ASTN2: variants seen among roughly 807,000 people sequenced by gnomAD.
ASTN2 encodes astrotactin-2.
A neutral mutation model predicts 139.8 loss-of-function variants in ASTN2; 54 were observed. The observed-to-expected ratio is 0.39, with a 90% CI of 0.31 to 0.48. The LOEUF is 0.48. Among genes scored for constraint, ASTN2 ranks in the 20% least tolerant of loss-of-function variants. The pLI, the probability that ASTN2 is intolerant of heterozygous loss-of-function variation, is 0.95. For missense variants in ASTN2, 1,565 were observed against 1,725.1 expected (o/e 0.91, Z 1.64); for synonymous variants, 756 against 719.5 (o/e 1.05, Z -0.81).
chr9:116,967,237 T>C (rs988495432), intron 10 of ASTN2, among the ~76,000 whole-genome samples: 10 of 152,156 alleles, frequency 6.6e-5, no homozygotes, highest in African/African-American at 2.4e-4. Flanking sequence ...CATTCAAAGA[T>C]AGAGTGTTAG....
At position 116,522,925 on chromosome 9, in the gene ASTN2, A is replaced by G. The variant is rs12343084; in HGVS notation, c.3356-35425T>C. Among the ~76,000 whole-genome samples, 1,283 of 152,314 alleles carry G rather than the reference A, an allele frequency of 8.4e-3. 13 individuals are homozygous for G. The highest frequency in any genetic ancestry group is 0.028 in the African/African-American group (1,169 of 41,568). On this transcript the variant is annotated intron_variant, in intron 19 of 22. Coordinates refer to ENST00000313400, the MANE Select transcript of ASTN2 (RefSeq NM_001365068.1). ...AGCTATTAACTATGAATAAAAAAAT[A>G]AAATTTAGAAATTCTACGGCTATCA...
chr9:116,655,869 G>GC, intron 16 of ASTN2, among the ~76,000 whole-genome samples: 1 of 151,124 alleles, frequency 6.6e-6, no homozygotes, highest in South Asian at 2.1e-4. Context: ...GTTTTCTTGT[G>GC]TTTTTTGTTG....
At chr9:116,735,117 G>A (rs954837866) in intron 13 of ASTN2, among the ~76,000 whole-genome samples, 2 of 152,194 alleles carry the variant, frequency 1.3e-5, no homozygotes, top group South Asian at 2.1e-4. Context: ...TACGAACCCA[G>A]GTCTGGTTGG....
chr9:116,449,742 A>T (rs1255636319), intron 20 of ASTN2, among the ~76,000 whole-genome samples: 1 of 152,092 alleles, frequency 6.6e-6, no homozygotes, highest in East Asian at 1.9e-4. Context: ...AAACATTCTC[A>T]CTTGGAACTG....
chr9:117,363,484 C>T (rs946736689), intron 1 of ASTN2, among the ~76,000 whole-genome samples: 1 of 152,120 alleles, frequency 6.6e-6, no homozygotes, highest in African/African-American at 2.4e-5. Context: ...GAATCTAGGA[C>T]TAACTCCATT....
chr9:116,750,098 C>T (rs1432647266), intron 13 of ASTN2, among the ~76,000 whole-genome samples: 3 of 152,130 alleles, frequency 2.0e-5, no homozygotes, highest in Non-Finnish European at 4.4e-5. Flanking sequence ...GTACTGGGTG[C>T]ATACTTGATA....
At chr9:116,530,094 G>GATATAT (rs3984942) in intron 19 of ASTN2, among the ~76,000 whole-genome samples, 23 of 51,042 alleles carry the variant, frequency 4.5e-4, no homozygotes, top group African/African-American at 5.6e-4. Context: ...GATAAAGTGT[G>GATATAT]ATATATATAT....
intron 13 of ASTN2, among the ~76,000 whole-genome samples, chr9:116,791,008 AAAG>A (rs1830532457): frequency 7.9e-6 from 1 of 126,172 alleles, no homozygotes; most frequent in African/African-American, 2.9e-5. Flanking sequence ...AGAAAGAAAG[AAAG>A]AAAGAAAGAA....
rs374136376 is a variant in ASTN2 at position 116,699,158 on chromosome 9, A to G, written c.2806+26613T>C. Reference sequence around the variant, plus strand: ...GTCACAGGAGCCAGCTGAGCAAACCATGGGGTATCACAGCCTTGCCATCTG... The same window carrying G: ...GTCACAGGAGCCAGCTGAGCAAACCGTGGGGTATCACAGCCTTGCCATCTG... On this transcript the variant is annotated intron_variant, in intron 16 of 22. Coordinates refer to ENST00000313400, the MANE Select transcript of ASTN2 (RefSeq NM_001365068.1). This position sits in a 1 kb window ranked among gnomAD's most constrained non-coding sequence, Gnocchi z 4.2. 13 of 1,614,118 alleles carry G rather than the reference A, an allele frequency of 8.1e-6. No homozygotes were observed. The African/African-American group carries it at 1.6e-4, about 20-fold the overall frequency.
chr9:117,286,986 G>A (rs1834465538), intron 2 of ASTN2, among the ~76,000 whole-genome samples: 1 of 152,208 alleles, frequency 6.6e-6, no homozygotes, highest in Admixed American at 6.5e-5. Context: ...TTGGTGATGT[G>A]GATGGGCAAG....
At chr9:116,847,585 TATC>T (rs1038734514) in intron 11 of ASTN2, among the ~76,000 whole-genome samples, 1 of 152,236 alleles carries the variant, frequency 6.6e-6, no homozygotes, top group Non-Finnish European at 1.5e-5. Flanking sequence ...TAATGGCACT[TATC>T]ATGTGCCAGG....
At chr9:116,569,828 C>A (rs907193758) in intron 19 of ASTN2, among the ~76,000 whole-genome samples, 1 of 152,124 alleles carries the variant, frequency 6.6e-6, no homozygotes, top group African/African-American at 2.4e-5. Flanking sequence ...CTTTCCAGAC[C>A]CAGAAACTGG....
At chr9:117,172,591 C>T (rs934974366) in intron 3 of ASTN2, among the ~76,000 whole-genome samples, 1 of 152,084 alleles carries the variant, frequency 6.6e-6, no homozygotes, top group African/African-American at 2.4e-5. Context: ...CCCATTGTCC[C>T]CATTTGTGAA....
At chr9:117,338,574 C>T (rs1158579411) in intron 1 of ASTN2, among the ~76,000 whole-genome samples, 1 of 151,956 alleles carries the variant, frequency 6.6e-6, no homozygotes, top group Non-Finnish European at 1.5e-5. Flanking sequence ...TAAAACATAC[C>T]CTAACACGTA....
intron 1 of ASTN2, among the ~76,000 whole-genome samples, chr9:117,313,251 A>G (rs1828033414): frequency 6.6e-6 from 1 of 152,198 alleles, no homozygotes; most frequent in East Asian, 1.9e-4. Context: ...GATTCTCAGG[A>G]AAGTCAAAAC....
chr9:116,563,524 G>C (rs893010081), intron 19 of ASTN2, among the ~76,000 whole-genome samples: 1 of 152,102 alleles, frequency 6.6e-6, no homozygotes, highest in Non-Finnish European at 1.5e-5. Context: ...CCATCTCAAG[G>C]TCTTGCACTT....
At chr9:116,583,108 A>G (rs984495990) in intron 19 of ASTN2, 1 of 152,132 alleles carries the variant, frequency 6.6e-6, no homozygotes, top group African/African-American at 2.4e-5. Context: ...TTGATTCAGG[A>G]TCCTTCCTTC....
chr9:117,166,532 T>C (rs1289389615), intron 3 of ASTN2, among the ~76,000 whole-genome samples: 1 of 152,156 alleles, frequency 6.6e-6, no homozygotes, highest in Non-Finnish European at 1.5e-5. Context: ...TGCTGCTATC[T>C]ATTCCTTTGT....
chr9:116,437,029 A>T (rs1847674851), intron 22 of ASTN2, among the ~76,000 whole-genome samples: 1 of 140,810 alleles, frequency 7.1e-6, no homozygotes. Flanking sequence ...CGGACACAGG[A>T]AGGGGAACAT....
Sources: allele counts gnomAD v4.1 joint callset (sites outside exome capture counted in the v4.1 genomes callset), GRCh38; gene constraint gnomAD v4.1.1; non-coding constraint Gnocchi (gnomAD v3.1); transcripts MANE v1.5; gene names NCBI Gene and HGNC (gene_info 2026-07-23, HGNC 2026-07-21).